Variants in CDK5RAP2 observed in about 807,000 individuals in gnomAD.
The protein encoded by CDK5RAP2 is CDK5 regulatory subunit-associated protein 2.
Under a neutral mutation model 232.9 loss-of-function variants are expected in CDK5RAP2, and 147 were observed. The ratio of observed to expected loss-of-function variants is 0.63; its 90% CI spans 0.55 to 0.72. CDK5RAP2 has a LOEUF of 0.72. Among genes scored for constraint, CDK5RAP2 ranks in the 30% least tolerant of loss-of-function variants. The pLI is 0.00. For missense variants in CDK5RAP2, 2,195 were observed against 2,231.5 expected (o/e 0.98, Z 0.33); for synonymous variants, 833 against 833.7 (o/e 1.00, Z 0.01).
intron 3 of CDK5RAP2, among the ~76,000 whole-genome samples, chr9:120,553,595 G>C (rs1347594962): frequency 6.6e-6 from 1 of 152,182 alleles, no homozygotes; most frequent in Non-Finnish European, 1.5e-5. Context: ...AAAGTGCATA[G>C]TGCTTGGAAT....
In CDK5RAP2 at chr9:120,453,889, G is replaced by T; in HGVS notation, c.2376-16C>A. The stretch of plus-strand genomic sequence containing the variant: ...AAGGTCTGGCCTGTTTTTCCAAAAG[G>T]GAAGGAAGTGGGAGAACCAAGCTTT... On this transcript the variant is annotated splice_polypyrimidine_tract_variant and intron_variant, in intron 20 of 37. Transcript: ENST00000349780. 1 of 1,613,728 alleles carries T rather than the reference G, an allele frequency of 6.2e-7. No homozygotes were observed. Among genetic ancestry groups the T allele is most frequent in the South Asian group, 1.1e-5 (1 of 91,036 alleles).
At chr9:120,557,695 G>A (rs914079067) in intron 3 of CDK5RAP2, among the ~76,000 whole-genome samples, 2 of 151,554 alleles carry the variant, frequency 1.3e-5, no homozygotes, top group Admixed American at 6.5e-5. Context: ...GGAGGTCGAA[G>A]CTACAGTAAG....
rs549684835 is a variant in CDK5RAP2, at chr9:120,524,468, C to T, written c.1092+518G>A. ...CCAGCCTGGCCAACATGGTGAAACC[C>T]CGGCTCAAGTAAAAATACAAAAATT... On this transcript the variant is annotated intron_variant, in intron 11 of 37. Transcript: ENST00000349780. Among the ~76,000 whole-genome samples, 164 of 152,164 alleles carry T rather than the reference C, an allele frequency of 1.1e-3. 1 individual carries two copies. Among genetic ancestry groups the T allele is most frequent in the African/African-American group, 3.9e-3 (161 of 41,498 alleles).
At chr9:120,489,791 CCTTTGT>C (rs1313117144) in intron 13 of CDK5RAP2, among the ~76,000 whole-genome samples, 3 of 150,916 alleles carry the variant, frequency 2.0e-5, no homozygotes, top group African/African-American at 4.9e-5. Flanking sequence ...TTCTGTTTGG[CCTTTGT>C]CTTTGTCTTT....
chr9:120,500,537 C>T (rs1280733581), intron 12 of CDK5RAP2, among the ~76,000 whole-genome samples: 1 of 152,208 alleles, frequency 6.6e-6, no homozygotes, highest in African/African-American at 2.4e-5. Context: ...TTTGAATTTG[C>T]ATTCTTTGAT....
intron 32 of CDK5RAP2, among the ~76,000 whole-genome samples, chr9:120,405,660 A>G (rs2033382305): frequency 6.6e-6 from 1 of 152,266 alleles, no homozygotes; most frequent in African/African-American, 2.4e-5. Context: ...GAAGGTGGCA[A>G]TATGGCACCT....
intron 29 of CDK5RAP2, among the ~76,000 whole-genome samples, chr9:120,410,136 C>A (rs1013865766): frequency 6.6e-6 from 1 of 152,124 alleles, no homozygotes; most frequent in African/African-American, 2.4e-5. Context: ...TATTATTCTC[C>A]GTTTTCCAGA....
chr9:120,562,466 C>T (rs1051157219), intron 3 of CDK5RAP2, among the ~76,000 whole-genome samples: 4 of 152,162 alleles, frequency 2.6e-5, no homozygotes, highest in South Asian at 2.1e-4. Context: ...TCAGCAAAAA[C>T]CCCTAGCACC....
At chr9:120,577,850 T>C (rs2043092614) in intron 1 of CDK5RAP2, among the ~76,000 whole-genome samples, 2 of 152,178 alleles carry the variant, frequency 1.3e-5, no homozygotes, top group Admixed American at 6.6e-5. Flanking sequence ...AACCCAAGTG[T>C]CTGGCCAAAA....
chr9:120,546,123 T>A (rs1192907758), intron 4 of CDK5RAP2, among the ~76,000 whole-genome samples: 6 of 152,156 alleles, frequency 3.9e-5, no homozygotes, highest in African/African-American at 1.4e-4. Flanking sequence ...CCAAGCAAAT[T>A]TACAAGCAAT....
At chr9:120,557,239 C>T (rs2042263078) in intron 3 of CDK5RAP2, among the ~76,000 whole-genome samples, 2 of 152,214 alleles carry the variant, frequency 1.3e-5, no homozygotes, top group African/African-American at 4.8e-5. Flanking sequence ...ACTTTCCTCA[C>T]AGTTTTCTCT....
chr9:120,525,091 A>C lies in CDK5RAP2; in HGVS notation c.1000-13T>G, dbSNP rs2040840370. ...TAAGTTCTTCAACCTGGGGAAAAAT[A>C]ATGAATACCAGCCAAGTATGTAACT... On this transcript the variant is annotated splice_polypyrimidine_tract_variant and intron_variant, in intron 10 of 37. Coordinates refer to ENST00000349780, the MANE Select transcript of CDK5RAP2 (RefSeq NM_018249.6). The C allele has an allele frequency of 1.9e-6, 3 of 1,603,002 alleles. No homozygotes were observed. The highest frequency in any genetic ancestry group is 2.6e-6 in the Non-Finnish European group (3 of 1,170,080).
At chr9:120,500,898 G>A (rs571326653) in intron 12 of CDK5RAP2, among the ~76,000 whole-genome samples, 10 of 152,152 alleles carry the variant, frequency 6.6e-5, no homozygotes, top group African/African-American at 2.4e-4. Flanking sequence ...CCAGAAGAGC[G>A]GCTGTGGCTA....
chr9:120,408,828 C>A (rs1268825746), intron 30 of CDK5RAP2, among the ~76,000 whole-genome samples: 3 of 152,252 alleles, frequency 2.0e-5, no homozygotes, highest in Admixed American at 6.5e-5. Flanking sequence ...AATGATCTTT[C>A]CCAGGTAGCT....
intron 10 of CDK5RAP2, among the ~76,000 whole-genome samples, chr9:120,527,349 C>T (rs964127871): frequency 6.6e-6 from 1 of 152,066 alleles, no homozygotes; most frequent in Non-Finnish European, 1.5e-5. Context: ...TTGTCCAATG[C>T]GGCAGTCACT....
intron 12 of CDK5RAP2, among the ~76,000 whole-genome samples, chr9:120,513,794 G>A (rs996222335): frequency 2.9e-4 from 44 of 152,310 alleles, no homozygotes; most frequent in African/African-American, 1.0e-3. Context: ...CAGAAACAGA[G>A]ACCACTAAAA....
At chr9:120,538,912 G>A (rs1564355684) in intron 6 of CDK5RAP2, 129 bp downstream of exon 6, 3 of 984,704 alleles carry the variant, frequency 3.0e-6, no homozygotes, top group South Asian at 2.6e-5. Context: ...TACAATCCAG[G>A]AGATGCTCAA....
chr9:120,511,922 G>A (rs769229872), intron 12 of CDK5RAP2, among the ~76,000 whole-genome samples: 5 of 151,904 alleles, frequency 3.3e-5, no homozygotes, highest in South Asian at 4.2e-4. Flanking sequence ...ATTTTTAGTC[G>A]ATACAGGATT....
chr9:120,409,140 G>T lies in CDK5RAP2; in HGVS notation c.4591C>A (p.Gln1531Lys). ...QLIQEVRCSG[Q>K]ELSRVQEEVK... is the part of the protein sequence containing the mutation. ...CACAGCCACTACCTGCTCAGCTCCT[G>T]GCCGCTGCAGCGGACCTCCTGGATC... is the stretch of plus-strand genomic sequence containing the variant. The change falls in exon 30 of 38, where the codon CAG becomes AAG. Residue 1531 changes from glutamine (Q) to lysine (K), a missense_variant. By Grantham distance (53) the Gln-to-Lys change is moderately conservative. Transcript: ENST00000349780. The T allele has an allele frequency of 6.2e-7, 1 of 1,611,962 alleles. No individual in the cohort carries two copies.
Sources: allele counts gnomAD v4.1 joint callset (sites outside exome capture counted in the v4.1 genomes callset), GRCh38; gene constraint gnomAD v4.1.1; transcripts MANE v1.5; gene names NCBI Gene and HGNC (gene_info 2026-07-23, HGNC 2026-07-21).